The following IL4I1 variants were observed in gnomAD, a reference collection of about 807,000 sequenced individuals.
IL4I1 encodes L-amino-acid oxidase.
IL4I1 carries 24 observed loss-of-function variants against 29.7 expected under a neutral mutation model. The ratio of observed to expected loss-of-function variants is 0.81; its 90% CI spans 0.59 to 1.14. The LOEUF is 1.14. Among genes scored for constraint, IL4I1 ranks in the 50% most tolerant of loss-of-function variants. IL4I1 has a pLI of 0.00. For synonymous variants in IL4I1, 371 were observed against 352.5 expected (o/e 1.05, Z -0.59); for missense variants, 686 against 785.6 (o/e 0.87, Z 1.52).
upstream of IL4I1, chr19:49,896,944 C>A: frequency 1.1e-6 from 1 of 948,906 alleles, no homozygotes; most frequent in Non-Finnish European, 1.3e-6. Flanking sequence ...CCCACCCCTC[C>A]TTTTGGGAAA....
chr19:49,891,321 G>C (rs566491409), intron 6 of IL4I1, 84 bp downstream of exon 6: 1 of 1,501,560 alleles, frequency 6.7e-7, no homozygotes, highest in African/African-American at 1.4e-5. Context: ...AGGGTGCCAG[G>C]TACCCGCCTT....
chr19:49,917,972 C>T (rs1401592325), intron 2 of IL4I1, among the ~76,000 whole-genome samples: 1 of 152,148 alleles, frequency 6.6e-6, no homozygotes, highest in Non-Finnish European at 1.5e-5. Context: ...CACTACTGCA[C>T]TCCAGCCTGG....
Position 49,890,988 on chromosome 19 carries a change from G to T in IL4I1, c.756C>A (p.Cys252Ter). ...CCCCTTACTGGAGTCTGTCGCTGAG[G>T]CAGCTGTGGGCCCGGAGGGCCTCGG... ...SFAEALRAHS[C>*]LSDRLQYSRI... The change falls in exon 7 of 8, where the codon TGC becomes TGA. Residue 252 changes from cysteine to a stop codon, truncating the protein, a stop_gained. Coordinates refer to ENST00000391826, the MANE Select transcript of IL4I1 (RefSeq NM_152899.2). LOFTEE classifies it low-confidence loss of function (END_TRUNC). 1 of 1,595,744 alleles carries T rather than the reference G, an allele frequency of 6.3e-7. No homozygotes were observed. Among genetic ancestry groups the T allele is most frequent in the Non-Finnish European group, 8.5e-7 (1 of 1,172,606 alleles).
At chr19:49,900,354 C>T (rs1037114830), upstream of IL4I1, among the ~76,000 whole-genome samples, 4 of 152,160 alleles carry the variant, frequency 2.6e-5, no homozygotes, top group African/African-American at 7.2e-5. Flanking sequence ...GGTGTGATCT[C>T]AGTTCACTGT....
chr19:49,896,162 A>T lies in IL4I1; in HGVS notation c.-2T>A. ...TGCTTACTCACCCAATGGGGCCATG[A>T]CTCTCGGTGGGAGATGGTGTCTGGG... On this transcript the variant is annotated 5_prime_UTR_variant, in exon 2 of 8. Transcript: ENST00000391826. 2 of 1,509,394 alleles carry T rather than the reference A, an allele frequency of 1.3e-6. No individual in the cohort carries two copies. Among genetic ancestry groups the T allele is most frequent in the Non-Finnish European group, 1.8e-6 (2 of 1,124,196 alleles). 93.5% of individuals were successfully genotyped at this position (1,509,394 alleles called of 1,614,324 possible).
At chr19:49,894,588 G>C (rs903342223) in intron 4 of IL4I1, 119 bp from the exon 5 acceptor site, 13 of 699,124 alleles carry the variant, frequency 1.9e-5, no homozygotes, top group Non-Finnish European at 2.9e-5. Flanking sequence ...TGAGGCTGGG[G>C]GTGGGGCTAG....
chr19:49,895,469 C>T (rs2075194651), intron 3 of IL4I1, among the ~76,000 whole-genome samples: 1 of 152,180 alleles, frequency 6.6e-6, no homozygotes, highest in Non-Finnish European at 1.5e-5. Context: ...TTCTCATTCT[C>T]GGATTGCAGT....
intron 2 of IL4I1, among the ~76,000 whole-genome samples, chr19:49,922,257 C>T (rs913663803): frequency 6.6e-6 from 1 of 152,202 alleles, no homozygotes; most frequent in Admixed American, 6.5e-5. Context: ...CCTGCGAGTC[C>T]CTGTGGGGGA....
intron 2 of IL4I1, among the ~76,000 whole-genome samples, chr19:49,924,627 G>C (rs935513287): frequency 6.6e-6 from 1 of 152,222 alleles, no homozygotes; most frequent in African/African-American, 2.4e-5. Flanking sequence ...CAGGACATGA[G>C]TCCTGAAGGG....
Position 49,903,064 on chromosome 19 carries a change from G to A in IL4I1, c.-105+1135C>T, listed in dbSNP as rs752940841. 2.2e-4 allele frequency among the ~76,000 whole-genome samples: 33 copies of A among 151,804 alleles called. No individual in the cohort carries two copies. In the East Asian group the frequency reaches 5.4e-3, roughly 25 times the overall value. ...CGGGAGGCAGAGATTGCAGTGAGCC[G>A]AGATCACACCACTGCACGCCAGCCT... On this transcript the variant is annotated intron_variant, in intron 3 of 9. Transcript: ENST00000341114.
intron 2 of IL4I1, among the ~76,000 whole-genome samples, chr19:49,923,067 CTG>C (rs2075801965): frequency 6.6e-6 from 1 of 151,236 alleles, no homozygotes; most frequent in South Asian, 2.1e-4. Context: ...TATCAGTTTG[CTG>C]TGTCCCTTTT....
intron 2 of IL4I1, among the ~76,000 whole-genome samples, chr19:49,922,609 C>T (rs1206263007): frequency 2.0e-5 from 3 of 151,916 alleles, no homozygotes; most frequent in Admixed American, 1.3e-4. Context: ...GAGGGGAAGT[C>T]ACAGAGGGCC....
chr19:49,920,175 C>T (rs1175798101), intron 2 of IL4I1, among the ~76,000 whole-genome samples: 2 of 152,142 alleles, frequency 1.3e-5, no homozygotes, highest in South Asian at 2.1e-4. Context: ...CTCTGCCTCC[C>T]GGGTTCAAGC....
intron 2 of IL4I1, among the ~76,000 whole-genome samples, chr19:49,918,895 TGGGG>T (rs56129490): frequency 1.7e-4 from 12 of 72,330 alleles, no homozygotes; most frequent in East Asian, 1.1e-3. Context: ...TTTGGGAGGC[TGGGG>T]GGGGGGGGGC....
At chr19:49,904,347 T>C (rs2075296820) in intron 2 of IL4I1, 1 of 152,170 alleles carries the variant, frequency 6.6e-6, no homozygotes. Flanking sequence ...GAAATTACGA[T>C]GGAGCCATCA....
chr19:49,892,077 CTTTTTTT>C lies in IL4I1; in HGVS notation c.568-611_568-605del, dbSNP rs773013384. Among the ~76,000 whole-genome samples, 67 of 120,186 alleles carry C rather than the reference CTTTTTTT, an allele frequency of 5.6e-4. 2 individuals are homozygous for C. The highest frequency in any genetic ancestry group is 3.3e-3 in the Admixed American group (35 of 10,640). The allele number at this position is 120,186 out of a possible 152,430, so 78.8% of individuals were successfully genotyped here. On this transcript the variant is annotated intron_variant, in intron 5 of 7. Transcript: ENST00000391826. ...AAGGCCCCTGCTAGCCCCTCAATGT[CTTTTTTT>C]TTTTTTTTTTTTTTTGAGATGGAGT...
At chr19:49,909,671 G>A (rs769174895) in intron 2 of IL4I1, 1 of 1,614,192 alleles carries the variant, frequency 6.2e-7, no homozygotes, top group South Asian at 1.1e-5. Flanking sequence ...TTGGAAGGGA[G>A]CCCCAAAATT....
chr19:49,892,571 C>T lies in IL4I1; in HGVS notation c.568-1098G>A, dbSNP rs1234432063. ...CCTACACATCTGGCACCTATTGTTTCCCTGCCTGTCTTTGCGTGGCACATG... is the reference window on the plus strand; with the variant it reads ...CCTACACATCTGGCACCTATTGTTTTCCTGCCTGTCTTTGCGTGGCACATG... On this transcript the variant is annotated intron_variant, in intron 5 of 7. Coordinates refer to ENST00000391826, the MANE Select transcript of IL4I1 (RefSeq NM_152899.2). Among the ~76,000 whole-genome samples the T allele has an allele frequency of 3.3e-5, 5 of 152,272 alleles. No individual in the cohort carries two copies. In the East Asian group the frequency reaches 9.6e-4, roughly 29 times the overall value.
chr19:49,927,846 C>T (rs1474178949), intron 1 of IL4I1: 2 of 152,270 alleles, frequency 1.3e-5, no homozygotes, highest in African/African-American at 4.8e-5. Flanking sequence ...ACATCCACCT[C>T]GGCTGGTGGA....
Sources: allele counts gnomAD v4.1 joint callset (sites outside exome capture counted in the v4.1 genomes callset), GRCh38; gene constraint gnomAD v4.1.1; transcripts MANE v1.5; gene names NCBI Gene and HGNC (gene_info 2026-07-23, HGNC 2026-07-21).